The following TRIM67 variants were observed in gnomAD, a reference collection of about 807,000 sequenced individuals.
TRIM67 encodes the protein tripartite motif containing 67, also known as tripartite motif-containing protein 67.
A neutral mutation model predicts 71.0 loss-of-function variants in TRIM67; 39 were observed. The observed-to-expected ratio is 0.55, with a 90% confidence interval of 0.43 to 0.72. The LOEUF (loss-of-function observed/expected upper bound fraction) is 0.72, where lower values mean the gene tolerates loss of function less well. Among genes scored for constraint, TRIM67 ranks in the 30% least tolerant of loss-of-function variants. The pLI, the probability that TRIM67 is intolerant of heterozygous loss-of-function variation, is 0.00. For missense variants in TRIM67, 973 were observed against 1,079.2 expected (o/e 0.90, Z 1.38); for synonymous variants, 481 against 473.9 (o/e 1.01, Z -0.19).
chr1:231,201,659 C>A, intron 5 of TRIM67, 142 bp downstream of exon 5: 4 of 1,074,778 alleles, frequency 3.7e-6, no homozygotes, highest in South Asian at 3.3e-5. Flanking sequence ...GAGTCACGGA[C>A]CTAGGTTCAA....
At position 231,164,011 on chromosome 1, in the gene TRIM67, A is replaced by G; in HGVS notation, c.1042A>G (p.Lys348Glu). Residue 348 changes from lysine to glutamate, a missense_variant and splice_region_variant, in exon 1 of 10, where the codon AAG (lysine) becomes GAG (glutamate). This residue lies in a region of TRIM67 where 795 missense variants were observed against 831.3 expected (regional missense o/e 0.96). Transcript: ENST00000366653. The stretch of plus-strand genomic sequence containing the variant: ...GCTGGGGGCCATGTGGAAGCAGCAC[A>G]AGGTGAGCCCGCGGGACGCGGGAGT... ...KPLGAMWKQH[K>E]AQLSQALNGV... 1.3e-6 allele frequency: 2 copies of G among 1,530,962 alleles called. No homozygotes were observed. The highest frequency in any genetic ancestry group is 8.8e-7 in the Non-Finnish European group (1 of 1,133,642). The allele number at this position is 1,530,962 out of a possible 1,614,324, so 94.8% of individuals were successfully genotyped here.
rs938177463 is a variant in TRIM67 at position 231,218,009 on chromosome 1, C to T, written c.*2569C>T. 5 of 1,197,104 alleles carry T rather than the reference C, an allele frequency of 4.2e-6. No homozygotes were observed. In the African/African-American group the frequency reaches 7.9e-5, roughly 19 times the overall value. 74.2% of individuals were successfully genotyped at this position (1,197,104 alleles called of 1,614,324 possible). On this transcript the variant is annotated 3_prime_UTR_variant, in exon 10 of 10. Transcript: ENST00000366653. The stretch of plus-strand genomic sequence containing the variant: ...GAGCCCAGAAGCAATACGGCCGATG[C>T]CAGGGACAGCATCCAGCTCTCCTTC...
chr1:231,172,957 A>G (rs919731644), intron 1 of TRIM67, among the ~76,000 whole-genome samples: 1 of 152,232 alleles, frequency 6.6e-6, no homozygotes, highest in Non-Finnish European at 1.5e-5. Context: ...AACACTTACT[A>G]TAACGTAAAT....
chr1:231,186,280 C>T, intron 1 of TRIM67: 1 of 953,128 alleles, frequency 1.0e-6, no homozygotes, highest in Non-Finnish European at 1.6e-6. Flanking sequence ...GAGCACATCT[C>T]TAGTTGGAAC....
chr1:231,164,068 A>C, intron 1 of TRIM67, 55 bp downstream of exon 1: 3 of 1,416,760 alleles, frequency 2.1e-6, no homozygotes, highest in Non-Finnish European at 2.8e-6. Context: ...ACGAGGAGAA[A>C]GGCTTTTGGC....
chr1:231,163,126 C>A lies in TRIM67; in HGVS notation c.157C>A (p.Arg53=). The part of the protein sequence containing the change: ...QHLPQPLLLS[R]GSGLQAGAAA... ...CCTGCCCCAGCCGCTCCTGCTTTCC[C>A]GGGGATCGGGGCTGCAGGCGGGCGC... The change falls in exon 1 of 10, where the codon CGG becomes AGG. Residue 53 remains arginine, a synonymous_variant. Coordinates refer to ENST00000366653, the MANE Select transcript of TRIM67 (RefSeq NM_001004342.5). 1 of 1,551,402 alleles carries A rather than the reference C, an allele frequency of 6.4e-7. No individual in the cohort carries two copies. The highest frequency in any genetic ancestry group is 8.7e-7 in the Non-Finnish European group (1 of 1,149,398).
At chr1:231,180,187 C>T (rs576153790) in intron 1 of TRIM67, among the ~76,000 whole-genome samples, 50 of 152,150 alleles carry the variant, frequency 3.3e-4, no homozygotes, top group Non-Finnish European at 6.3e-4. Context: ...TATAGAAATA[C>T]ATTGGCATTT....
chr1:231,171,649 T>G (rs1390106680), intron 1 of TRIM67, among the ~76,000 whole-genome samples: 1 of 152,158 alleles, frequency 6.6e-6, no homozygotes, highest in Non-Finnish European at 1.5e-5. Context: ...GTGAAGTTCT[T>G]GATGTGAAAC....
At position 231,183,495 on chromosome 1, in the gene TRIM67, C is replaced by T. The variant is rs186053541; in HGVS notation, c.1045-13876C>T. Among the ~76,000 whole-genome samples, 175 of 152,186 alleles carry T rather than the reference C, an allele frequency of 1.1e-3. 1 individual carries two copies. The highest frequency in any genetic ancestry group is 3.1e-4 in the Non-Finnish European group (21 of 68,008). On this transcript the variant is annotated intron_variant, in intron 1 of 9. Transcript: ENST00000366653. ...GGGCATGGTGGCACGTGCCCAACAT[C>T]CTAGTTACTTGGGAGGCTGAGGCAG...
At chr1:231,204,561 C>G (rs1466915170) in intron 6 of TRIM67, among the ~76,000 whole-genome samples, 1 of 152,150 alleles carries the variant, frequency 6.6e-6, no homozygotes, top group Non-Finnish European at 1.5e-5. Flanking sequence ...TCTTCTACTC[C>G]CCATCTTCTA....
At chr1:231,206,542 C>A in intron 6 of TRIM67, 110 bp from the exon 7 acceptor site, 2 of 1,171,896 alleles carry the variant, frequency 1.7e-6, no homozygotes, top group Non-Finnish European at 2.3e-6. Context: ...GTAGCTGGGA[C>A]TACACCTGGC....
In TRIM67 at chr1:231,215,464, C is replaced by T; in HGVS notation, c.*24C>T. The stretch of plus-strand genomic sequence containing the variant: ...AGCCCCGCTCCAGCTCGGCACTGTG[C>T]CTGTGACAGTGACATTCACAGGCAA... On this transcript the variant is annotated 3_prime_UTR_variant, in exon 10 of 10. Transcript: ENST00000366653. The T allele has an allele frequency of 6.3e-7, 1 of 1,577,348 alleles. No individual in the cohort carries two copies. The highest frequency in any genetic ancestry group is 8.6e-7 in the Non-Finnish European group (1 of 1,158,850).
At chr1:231,185,685 C>G (rs1456379461) in intron 1 of TRIM67, among the ~76,000 whole-genome samples, 1 of 151,900 alleles carries the variant, frequency 6.6e-6, no homozygotes, top group Non-Finnish European at 1.5e-5. Context: ...TGCACAGGCT[C>G]TGTACTAGGG....
chr1:231,186,927 T>A (rs982129908), intron 1 of TRIM67, among the ~76,000 whole-genome samples: 3 of 152,132 alleles, frequency 2.0e-5, no homozygotes, highest in Non-Finnish European at 4.4e-5. Context: ...GCAGCTTTCA[T>A]CTTCCTGCTA....
Position 231,162,856 on chromosome 1 carries a change from G to A in TRIM67, c.-114G>A. The A allele has an allele frequency of 1.4e-6, 2 of 1,403,986 alleles. No individual in the cohort carries two copies. Among genetic ancestry groups the A allele is most frequent in the East Asian group, 5.0e-5 (2 of 39,650 alleles). 87.0% of individuals were successfully genotyped at this position (1,403,986 alleles called of 1,614,324 possible). On this transcript the variant is annotated 5_prime_UTR_variant, in exon 1 of 10. An upstream open reading frame in the 5' UTR loses its in-frame stop. Transcript: ENST00000366653. ...GGCTGTGAAGTGGGCATGCCCGTGTGATGCCCCCGCCCGTCGTCTCACCGG... is the reference window on the plus strand; with the variant it reads ...GGCTGTGAAGTGGGCATGCCCGTGTAATGCCCCCGCCCGTCGTCTCACCGG...
rs1407396126 is a variant in TRIM67, at chr1:231,216,509, T to C, written c.*1069T>C. ...CTCTCAGACTCATAAGCATTTAAAATGGGAGACCCTGGGAAAGCCTGTTCT... is the reference window on the plus strand; with the variant it reads ...CTCTCAGACTCATAAGCATTTAAAACGGGAGACCCTGGGAAAGCCTGTTCT... On this transcript the variant is annotated 3_prime_UTR_variant, in exon 10 of 10. Coordinates refer to ENST00000366653, the MANE Select transcript of TRIM67 (RefSeq NM_001004342.5). 3.0e-6 allele frequency: 3 copies of C among 985,356 alleles called. No individual in the cohort carries two copies. In the African/African-American group the frequency reaches 5.2e-5, roughly 17 times the overall value. The allele number at this position is 985,356 out of a possible 1,614,324, so 61.0% of individuals were successfully genotyped here.
Position 231,209,202 on chromosome 1 carries a change from T to C in TRIM67, c.2075T>C (p.Val692Ala), listed in dbSNP as rs1467870120. 3.1e-6 allele frequency: 5 copies of C among 1,595,642 alleles called. No individual in the cohort carries two copies. The highest frequency in any genetic ancestry group is 1.3e-5 in the African/African-American group (1 of 74,512). ...GKDDKAWAMY[V>A]DNNRSWFMHC... ...GATGACAAGGCCTGGGCCATGTATG[T>C]GGACAACAACCGCAGCTGGTTCATG... The change falls in exon 8 of 10, where the codon GTG becomes GCG. Residue 692 changes from valine (V) to alanine (A), a missense_variant. By Grantham distance (64) the Val-to-Ala change is moderately conservative. This residue lies in a region of TRIM67 where 178 missense variants were observed against 247.9 expected (regional missense o/e 0.72). Transcript: ENST00000366653. The surrounding 1 kb of genome is among the most constrained non-coding windows in gnomAD (Gnocchi z 4.1).
chr1:231,181,622 G>GA (rs908884553), intron 1 of TRIM67, among the ~76,000 whole-genome samples: 63 of 152,058 alleles, frequency 4.1e-4, no homozygotes, highest in Non-Finnish European at 7.9e-4. Flanking sequence ...TGAGAAAAAA[G>GA]AAAAAAACTT....
chr1:231,201,177 G>T (rs1002034851), intron 4 of TRIM67, among the ~76,000 whole-genome samples, 181 bp from the exon 5 acceptor site: 2 of 152,150 alleles, frequency 1.3e-5, no homozygotes, highest in Non-Finnish European at 2.9e-5. Flanking sequence ...ATATTTCAAT[G>T]CATTTTTAGA....
Sources: gnomAD v4.1 joint callset for allele counts (sites outside exome capture counted in the v4.1 genomes callset) on GRCh38, gnomAD v4.1.1 for gene constraint, gnomAD v4.1.1 regional missense constraint, Gnocchi (gnomAD v3.1) non-coding constraint, MANE v1.5 for transcripts, NCBI Gene and HGNC (gene_info 2026-07-23, HGNC 2026-07-21) for gene names.